Variants in NXPH1 observed in about 807,000 individuals in gnomAD.
The protein encoded by NXPH1 is neurexophilin 1, also known as neurexophilin-1.
NXPH1 carries 5 observed loss-of-function variants against 23.7 expected under a neutral mutation model. The observed-to-expected ratio is 0.21, with a 90% confidence interval of 0.11 to 0.44. The LOEUF (loss-of-function observed/expected upper bound fraction) is 0.44, where lower values mean the gene tolerates loss of function less well. NXPH1 is among the 20% of genes least tolerant of loss of function. The pLI is 0.99. For missense variants in NXPH1, 324 were observed against 321.6 expected (o/e 1.01, Z -0.06); for synonymous variants, 144 against 122.2 (o/e 1.18, Z -1.18).
At chr7:8,461,563 G>A (rs1816694572) in intron 2 of NXPH1, among the ~76,000 whole-genome samples, 1 of 151,988 alleles carries the variant, frequency 6.6e-6, no homozygotes, top group Non-Finnish European at 1.5e-5. Context: ...GGGCGCGGTG[G>A]CTCACGCCTG....
intron 2 of NXPH1, among the ~76,000 whole-genome samples, chr7:8,681,274 G>A (rs576691946): frequency 1.1e-4 from 16 of 152,098 alleles, no homozygotes; most frequent in Non-Finnish European, 1.5e-4. Flanking sequence ...TTTATCTTCC[G>A]ACCAAAGTGA....
chr7:8,568,548 T>C (rs1472632980), intron 2 of NXPH1, among the ~76,000 whole-genome samples: 1 of 151,776 alleles, frequency 6.6e-6, no homozygotes, highest in East Asian at 1.9e-4. Flanking sequence ...GGTTCTGTTA[T>C]TTTGTATGTG....
chr7:8,726,341 T>C (rs1780052776), intron 2 of NXPH1, among the ~76,000 whole-genome samples: 1 of 151,966 alleles, frequency 6.6e-6, no homozygotes, highest in African/African-American at 2.4e-5. Flanking sequence ...TTTTTAAATG[T>C]ATTATTATTA....
At chr7:8,599,605 C>T (rs897067696) in intron 2 of NXPH1, among the ~76,000 whole-genome samples, 7 of 152,072 alleles carry the variant, frequency 4.6e-5, no homozygotes, top group African/African-American at 1.7e-4. Context: ...GTCTTACTGC[C>T]TTCAATTCCT....
At chr7:8,472,385 T>C (rs1258665599) in intron 2 of NXPH1, among the ~76,000 whole-genome samples, 2 of 152,188 alleles carry the variant, frequency 1.3e-5, no homozygotes, top group African/African-American at 2.4e-5. Context: ...ATTTGATTCC[T>C]TGACCACCTG....
At chr7:8,680,142 C>G (rs1821028480) in intron 2 of NXPH1, among the ~76,000 whole-genome samples, 1 of 152,200 alleles carries the variant, frequency 6.6e-6, no homozygotes, top group Admixed American at 6.5e-5. Flanking sequence ...TGTGGGTTTT[C>G]CTATGCTGGT....
chr7:8,529,748 G>A (rs569358473), intron 2 of NXPH1, among the ~76,000 whole-genome samples: 1 of 152,266 alleles, frequency 6.6e-6, no homozygotes, highest in East Asian at 1.9e-4. Flanking sequence ...CTGGCATACA[G>A]TGAGTGGTCA....
chr7:8,590,590 A>G (rs1819072855), intron 2 of NXPH1, among the ~76,000 whole-genome samples: 1 of 152,072 alleles, frequency 6.6e-6, no homozygotes, highest in African/African-American at 2.4e-5. Flanking sequence ...TGCATAACTC[A>G]ATCTGTTCAT....
At chr7:8,550,458 G>A (rs1422237592) in intron 2 of NXPH1, among the ~76,000 whole-genome samples, 1 of 151,514 alleles carries the variant, frequency 6.6e-6, no homozygotes, top group Non-Finnish European at 1.5e-5. Flanking sequence ...TTTCATTCCT[G>A]AAGTCTTTTT....
chr7:8,557,505 C>T (rs912169783), intron 2 of NXPH1, among the ~76,000 whole-genome samples: 1 of 151,466 alleles, frequency 6.6e-6, no homozygotes, highest in African/African-American at 2.4e-5. Context: ...AAATTATTGA[C>T]CCCTCCACTC....
chr7:8,469,077 C>T (rs1397485334), intron 2 of NXPH1, among the ~76,000 whole-genome samples: 2 of 151,710 alleles, frequency 1.3e-5, no homozygotes. Context: ...ATTTAAGTAT[C>T]TTTAAGATAC....
At chr7:8,523,182 G>A (rs1267159508) in intron 2 of NXPH1, among the ~76,000 whole-genome samples, 1 of 152,184 alleles carries the variant, frequency 6.6e-6, no homozygotes, top group East Asian at 1.9e-4. Context: ...TGACTGCACT[G>A]GACCTGACTG....
intron 2 of NXPH1, among the ~76,000 whole-genome samples, chr7:8,591,154 G>A (rs1030503289): frequency 2.6e-5 from 4 of 152,018 alleles, no homozygotes; most frequent in South Asian, 2.1e-4. Flanking sequence ...GAGACCTAAT[G>A]TTTATTGAGT....
chr7:8,563,294 T>C (rs1818480088), intron 2 of NXPH1, among the ~76,000 whole-genome samples: 1 of 151,702 alleles, frequency 6.6e-6, no homozygotes, highest in Non-Finnish European at 1.5e-5. Context: ...AAGAAGAAAC[T>C]GTGTCTTAAG....
intron 2 of NXPH1, among the ~76,000 whole-genome samples, chr7:8,602,197 A>G (rs1819376630): frequency 6.6e-6 from 1 of 152,154 alleles, no homozygotes; most frequent in Non-Finnish European, 1.5e-5. Flanking sequence ...TTTTGGTGTT[A>G]TATGCTTTTT....
intron 2 of NXPH1, among the ~76,000 whole-genome samples, chr7:8,608,190 A>G (rs539168883): frequency 1.3e-5 from 2 of 152,320 alleles, no homozygotes; most frequent in South Asian, 4.1e-4. Flanking sequence ...ACTAATACAA[A>G]TTTCTTACTT....
intron 2 of NXPH1, among the ~76,000 whole-genome samples, chr7:8,707,514 TG>T (rs1340819546): frequency 6.6e-5 from 10 of 152,298 alleles, no homozygotes; most frequent in African/African-American, 2.4e-4. Flanking sequence ...GTTCTCAGTA[TG>T]TATTAATGAG....
intron 2 of NXPH1, among the ~76,000 whole-genome samples, chr7:8,744,307 C>G (rs910245579): frequency 8.0e-4 from 122 of 151,942 alleles, no homozygotes; most frequent in African/African-American, 2.6e-3. Flanking sequence ...GCATTGGCCA[C>G]TTTTGACATG....
At chr7:8,540,363 G>A (rs557726058) in intron 2 of NXPH1, among the ~76,000 whole-genome samples, 22 of 151,934 alleles carry the variant, frequency 1.4e-4, no homozygotes, top group Non-Finnish European at 2.5e-4. Flanking sequence ...TTAATAAAAT[G>A]TGTGAAACGA....
Sources: gnomAD v4.1 joint callset for allele counts (sites outside exome capture counted in the v4.1 genomes callset) on GRCh38, gnomAD v4.1.1 for gene constraint, MANE v1.5 for transcripts, NCBI Gene and HGNC (gene_info 2026-07-23, HGNC 2026-07-21) for gene names.